Variants in LHFPL3 observed in about 807,000 individuals in gnomAD.
The protein encoded by LHFPL3 is LHFPL tetraspan subfamily member 3, also known as LHFPL tetraspan subfamily member 3 protein.
LHFPL3 carries 5 observed loss-of-function variants against 19.3 expected under a neutral mutation model. The ratio of observed to expected loss-of-function variants is 0.26; its 90% CI spans 0.14 to 0.54. LHFPL3 has a LOEUF of 0.54. LHFPL3 is among the 20% of genes least tolerant of loss of function. The probability of loss-of-function intolerance (pLI) is 0.94; values close to 1 mark genes in which losing one functional copy is unlikely to be tolerated. For synonymous variants in LHFPL3, 133 were observed against 126.2 expected (o/e 1.05, Z -0.36); for missense variants, 249 against 307.4 (o/e 0.81, Z 1.42).
chr7:104,535,280 A>G (rs960351280), intron 1 of LHFPL3, among the ~76,000 whole-genome samples: 1 of 152,232 alleles, frequency 6.6e-6, no homozygotes, highest in Non-Finnish European at 1.5e-5. Context: ...GAATTTGCCA[A>G]AACTCCAAAT....
intron 1 of LHFPL3, among the ~76,000 whole-genome samples, chr7:104,406,408 A>G (rs1217042377): frequency 6.6e-6 from 1 of 152,256 alleles, no homozygotes; most frequent in Non-Finnish European, 1.5e-5. Flanking sequence ...AGGATCAGAG[A>G]TAAGGAATAT....
At chr7:104,554,013 T>C (rs1319119088) in intron 1 of LHFPL3, among the ~76,000 whole-genome samples, 2 of 152,192 alleles carry the variant, frequency 1.3e-5, no homozygotes, top group African/African-American at 4.8e-5. Flanking sequence ...ATACCCCAGA[T>C]TCTTCATGAT....
intron 1 of LHFPL3, among the ~76,000 whole-genome samples, chr7:104,408,860 CTT>C (rs1791475276): frequency 1.1e-5 from 1 of 88,280 alleles, no homozygotes; most frequent in African/African-American, 4.8e-5. Context: ...TTGTAATTTT[CTT>C]TCTTTTTTTT....
At chr7:104,429,235 T>C (rs1470915706) in intron 1 of LHFPL3, among the ~76,000 whole-genome samples, 1 of 150,896 alleles carries the variant, frequency 6.6e-6, no homozygotes, top group Non-Finnish European at 1.5e-5. Context: ...TACCAGAGCG[T>C]AGCAATAATT....
intron 2 of LHFPL3, among the ~76,000 whole-genome samples, chr7:104,879,497 A>T (rs1478618804): frequency 2.6e-5 from 4 of 152,200 alleles, no homozygotes; most frequent in African/African-American, 9.6e-5. Context: ...AGGCAGGAGC[A>T]TCACCTGAGG....
chr7:104,818,715 C>T (rs1007671074), intron 2 of LHFPL3, among the ~76,000 whole-genome samples: 10 of 152,030 alleles, frequency 6.6e-5, no homozygotes, highest in Non-Finnish European at 8.8e-5. Context: ...GTTGTTTCCA[C>T]GTTTCACTAA....
At chr7:104,506,080 GATT>G (rs1793693131) in intron 1 of LHFPL3, among the ~76,000 whole-genome samples, 1 of 151,122 alleles carries the variant, frequency 6.6e-6, no homozygotes, top group Non-Finnish European at 1.5e-5. Flanking sequence ...GCAGTGACAC[GATT>G]TTGGCTCACT....
At chr7:104,483,221 T>G (rs899561646) in intron 1 of LHFPL3, among the ~76,000 whole-genome samples, 2 of 152,236 alleles carry the variant, frequency 1.3e-5, no homozygotes, top group African/African-American at 4.8e-5. Context: ...TACTCCTGGT[T>G]TGTTTTGCAG....
At chr7:104,869,190 A>T (rs1011273497) in intron 2 of LHFPL3, among the ~76,000 whole-genome samples, 29 of 152,230 alleles carry the variant, frequency 1.9e-4, no homozygotes, top group Admixed American at 7.9e-4. Flanking sequence ...CAAGGACTTC[A>T]TGTCTAAAAC....
intron 2 of LHFPL3, among the ~76,000 whole-genome samples, chr7:104,812,686 C>A (rs907056972): frequency 2.7e-5 from 4 of 150,358 alleles, no homozygotes; most frequent in Non-Finnish European, 5.9e-5. Flanking sequence ...CACCTGTAAT[C>A]CTAGCTACTC....
intron 1 of LHFPL3, among the ~76,000 whole-genome samples, chr7:104,367,412 A>G (rs1790515052): frequency 6.6e-6 from 1 of 152,160 alleles, no homozygotes; most frequent in African/African-American, 2.4e-5. Flanking sequence ...TTACTCTCCT[A>G]TTTCCAGACT....
At chr7:104,666,509 A>AT (rs1315147894) in intron 1 of LHFPL3, among the ~76,000 whole-genome samples, 2 of 44,162 alleles carry the variant, frequency 4.5e-5, no homozygotes, top group African/African-American at 7.2e-5. Context: ...ACAGGATTTC[A>AT]TTCTTTTTTT....
Position 104,721,539 on chromosome 7 carries a change from TA to T in LHFPL3, c.446-15125del, listed in dbSNP as rs34139277. 1.5e-4 allele frequency among the ~76,000 whole-genome samples: 22 copies of T among 147,964 alleles called. 1 individual carries two copies. The highest frequency in any genetic ancestry group is 3.0e-4 in the African/African-American group (12 of 40,586). ...TGTACCCTAGAACTTAAAGTATAAT[TA>T]AAAAAAAAAATCAGGCCAGCCTGAT... On this transcript the variant is annotated intron_variant, in intron 1 of 2. Coordinates refer to ENST00000424859, the MANE Select transcript of LHFPL3 (RefSeq NM_199000.3).
intron 2 of LHFPL3, among the ~76,000 whole-genome samples, chr7:104,872,831 T>C (rs1367703986): frequency 1.3e-5 from 2 of 152,194 alleles, no homozygotes; most frequent in African/African-American, 2.4e-5. Context: ...TAACTTTTTT[T>C]CAGTAAGTAG....
At chr7:104,606,739 A>G (rs570232690) in intron 1 of LHFPL3, among the ~76,000 whole-genome samples, 95 of 152,310 alleles carry the variant, frequency 6.2e-4, no homozygotes, top group Non-Finnish European at 1.2e-3. Context: ...TATCACTCAA[A>G]TCAGTATCCC....
intron 1 of LHFPL3, among the ~76,000 whole-genome samples, chr7:104,551,190 G>A (rs1794657734): frequency 6.6e-6 from 1 of 152,042 alleles, no homozygotes; most frequent in African/African-American, 2.4e-5. Context: ...GTTGATTCAG[G>A]GGAAGATATT....
chr7:104,672,966 G>A (rs1035924794), intron 1 of LHFPL3, among the ~76,000 whole-genome samples: 1 of 151,814 alleles, frequency 6.6e-6, no homozygotes, highest in Admixed American at 6.6e-5. Context: ...TCTCAATACT[G>A]GTTTTTCTTT....
chr7:104,361,294 C>T (rs902026409), intron 1 of LHFPL3, among the ~76,000 whole-genome samples: 2 of 152,144 alleles, frequency 1.3e-5, no homozygotes, highest in African/African-American at 2.4e-5. Flanking sequence ...TTTCAGGAGC[C>T]TTCTAGCAGA....
At chr7:104,614,591 CTCTTCTCTT>C (rs1168727538) in intron 1 of LHFPL3, among the ~76,000 whole-genome samples, 6 of 89,680 alleles carry the variant, frequency 6.7e-5, no homozygotes, top group African/African-American at 3.4e-4. Flanking sequence ...TCTCTTCTCT[CTCTTCTCTT>C]CTCTTCTCTT....
Sources: gnomAD v4.1 joint callset for allele counts (sites outside exome capture counted in the v4.1 genomes callset) on GRCh38, gnomAD v4.1.1 for gene constraint, MANE v1.5 for transcripts, NCBI Gene and HGNC (gene_info 2026-07-23, HGNC 2026-07-21) for gene names.